The following SARS1 variants were observed in gnomAD, a reference collection of about 807,000 sequenced individuals.
The protein encoded by SARS1 is seryl-tRNA synthetase 1, also known as serine--tRNA ligase, cytoplasmic.
A neutral mutation model predicts 63.7 loss-of-function variants in SARS1; 25 were observed. The ratio of observed to expected loss-of-function variants is 0.39; its 90% CI spans 0.29 to 0.55. The LOEUF is 0.55. Ranked by LOEUF, SARS1 falls within the 20% of genes least tolerant of loss-of-function variation. The pLI is 0.62. For synonymous variants in SARS1, 231 were observed against 243.5 expected (o/e 0.95, Z 0.48); for missense variants, 417 against 649.7 (o/e 0.64, Z 3.89).
chr1:109,232,143 G>A (rs1655224322), intron 6 of SARS1, among the ~76,000 whole-genome samples: 1 of 152,118 alleles, frequency 6.6e-6, no homozygotes. Context: ...AATTACAGTG[G>A]TGGCACTGAT....
At chr1:109,226,736 ATATTTATT>A (rs67264041) in intron 2 of SARS1, among the ~76,000 whole-genome samples, 94 of 100,242 alleles carry the variant, frequency 9.4e-4, no homozygotes, top group Non-Finnish European at 1.4e-3. Flanking sequence ...ACATATATAT[ATATTTATT>A]TATTTATTTA....
rs1425578107 is a variant in SARS1 at position 109,214,219 on chromosome 1, A to G, written c.136+91A>G. On this transcript the variant is annotated intron_variant, in intron 1 of 10. Transcript: ENST00000234677. The surrounding 1 kb of genome is among the most constrained non-coding windows in gnomAD (Gnocchi z 4.6). ...CACCGCTCCTGAGGCCACAGCTTCC[A>G]CCCTTCGTCAGACCCCCTCCCAGGG... 6.9e-7 allele frequency: 1 copy of G among 1,449,464 alleles called. No individual in the cohort carries two copies. Among genetic ancestry groups the G allele is most frequent in the Non-Finnish European group, 9.3e-7 (1 of 1,071,950 alleles). 89.8% of individuals were successfully genotyped at this position (1,449,464 alleles called of 1,614,324 possible).
At chr1:109,225,133 ATGCACTT>A (rs1457136263) in intron 2 of SARS1, among the ~76,000 whole-genome samples, 1 of 152,158 alleles carries the variant, frequency 6.6e-6, no homozygotes, top group Admixed American at 6.6e-5. Flanking sequence ...AATTAATTAA[ATGCACTT>A]TACAATCTAG....
Position 109,230,950 on chromosome 1 carries a change from G to A in SARS1, c.520G>A (p.Val174Met). 3.8e-6 allele frequency: 6 copies of A among 1,586,632 alleles called. No individual in the cohort carries two copies. Among genetic ancestry groups the A allele is most frequent in the Non-Finnish European group, 5.1e-6 (6 of 1,166,794 alleles). ...GAAGAAGTACTCTCATGTGGACCTG[G>A]TGGTGATGGTAGATGGCTTTGAAGG... is the stretch of plus-strand genomic sequence containing the variant. ...VRKKYSHVDL[V>M]VMVDGFEGEK... Residue 174 changes from valine to methionine, a missense_variant, in exon 5 of 11, where the codon GTG becomes ATG. Transcript: ENST00000234677.
Position 109,237,058 on chromosome 1 carries a change from G to GT in SARS1, c.1258-184dup, listed in dbSNP as rs1339740632. Reference sequence around the variant, plus strand: ...TCGAAACATGAGGGATCTTTCTGCAGTTATCTAATAGGCAATAAATACCAA... The same window carrying GT: ...TCGAAACATGAGGGATCTTTCTGCAGTTTATCTAATAGGCAATAAATACCAA... On this transcript the variant is annotated intron_variant, in intron 9 of 10. Coordinates refer to ENST00000234677, the MANE Select transcript of SARS1 (RefSeq NM_006513.4). This position sits in a 1 kb window ranked among gnomAD's most constrained non-coding sequence, Gnocchi z 4.1. 2.5e-6 allele frequency: 3 copies of GT among 1,219,494 alleles called. No individual in the cohort carries two copies. The highest frequency in any genetic ancestry group is 3.4e-6 in the Non-Finnish European group (3 of 894,744). 75.5% of individuals were successfully genotyped at this position (1,219,494 alleles called of 1,614,324 possible).
At chr1:109,222,694 A>G (rs1654976457) in intron 1 of SARS1, among the ~76,000 whole-genome samples, 1 of 152,254 alleles carries the variant, frequency 6.6e-6, no homozygotes, top group Admixed American at 6.5e-5. Flanking sequence ...TCTTATTTCT[A>G]GTCATCAATT....
In SARS1 at chr1:109,214,515, A is replaced by C; in HGVS notation, c.136+387A>C. 9.9e-7 allele frequency: 1 copy of C among 1,014,292 alleles called. No individual in the cohort carries two copies. Among genetic ancestry groups the C allele is most frequent in the East Asian group, 1.0e-4 (1 of 10,030 alleles). The allele number at this position is 1,014,292 out of a possible 1,614,324, so 62.8% of individuals were successfully genotyped here. A position where few individuals can be genotyped will look rare whatever the true frequency, so the allele number is the denominator to read the frequency against. On this transcript the variant is annotated intron_variant, in intron 1 of 10. Coordinates refer to ENST00000234677, the MANE Select transcript of SARS1 (RefSeq NM_006513.4). This position sits in a 1 kb window ranked among gnomAD's most constrained non-coding sequence, Gnocchi z 4.6. The stretch of plus-strand genomic sequence containing the variant: ...CCCCAGTCTTTTTCTCATCTTCAGC[A>C]AGGCCAGAGTGGTTTTCCTTTGTTT...
At chr1:109,216,064 A>G (rs1024237091) in intron 1 of SARS1, 1 of 985,274 alleles carries the variant, frequency 1.0e-6, no homozygotes. Context: ...ACCCTTTCCA[A>G]TATTCTCTTT....
chr1:109,216,680 G>C (rs1221620438), intron 1 of SARS1: 1 of 797,276 alleles, frequency 1.3e-6, no homozygotes, highest in Non-Finnish European at 1.5e-6. Context: ...TGTCACCCAG[G>C]CATGATCACA....
chr1:109,213,970 G>T lies in SARS1; in HGVS notation c.-23G>T. The T allele has an allele frequency of 6.2e-7, 1 of 1,602,156 alleles. No homozygotes were observed. The highest frequency in any genetic ancestry group is 1.3e-5 in the African/African-American group (1 of 74,524). ...TGCGGCGCGATCCTTGCTTCCCTGA[G>T]CGTTGGCCCGGGAGGAAAGAAGATG... On this transcript the variant is annotated 5_prime_UTR_variant, in exon 1 of 11. Transcript: ENST00000234677.
At chr1:109,231,081 ATATTT>A (rs1557718476) in intron 5 of SARS1, 60 bp downstream of exon 5, 29 of 855,594 alleles carry the variant, frequency 3.4e-5, no homozygotes, top group African/African-American at 1.1e-4. Context: ...ATATATATAT[ATATTT>A]TTTTTTTTTT....
chr1:109,227,907 G>A (rs1289336241), intron 2 of SARS1, among the ~76,000 whole-genome samples: 2 of 130,904 alleles, frequency 1.5e-5, no homozygotes, highest in African/African-American at 2.8e-5. Flanking sequence ...GCGACAGAGT[G>A]AGACTCCGTC....
intron 1 of SARS1, chr1:109,215,819 C>A (rs1654772548): frequency 2.8e-6 from 1 of 360,198 alleles, no homozygotes; most frequent in Non-Finnish European, 3.9e-6. Flanking sequence ...GATTATCATG[C>A]CTCAGCCTCC....
intron 2 of SARS1, 73 bp downstream of exon 2, chr1:109,224,121 C>T: frequency 9.1e-7 from 1 of 1,096,274 alleles, no homozygotes. Flanking sequence ...AGCTAATGTT[C>T]ACAGAAGTTC....
intron 2 of SARS1, 51 bp from the exon 3 acceptor site, chr1:109,228,301 G>A (rs1655134848): frequency 1.5e-6 from 2 of 1,311,882 alleles, no homozygotes; most frequent in Middle Eastern, 1.8e-4. Flanking sequence ...ATAAAACAAT[G>A]CCAGAGATTT....
At chr1:109,228,579 T>C (rs774964146) in intron 3 of SARS1, 147 bp downstream of exon 3, 5 of 602,622 alleles carry the variant, frequency 8.3e-6, no homozygotes, top group Non-Finnish European at 1.5e-5. Context: ...CCATTCTTGT[T>C]ATATTCTATA....
intron 1 of SARS1, among the ~76,000 whole-genome samples, chr1:109,218,227 C>A (rs1311828925): frequency 7.1e-6 from 1 of 141,212 alleles, no homozygotes; most frequent in African/African-American, 2.7e-5. Context: ...ATTAGCCAGG[C>A]GTGGTGGCGG....
intron 1 of SARS1, among the ~76,000 whole-genome samples, chr1:109,217,586 C>T (rs537715891): frequency 6.6e-4 from 99 of 150,728 alleles, no homozygotes; most frequent in Middle Eastern, 3.5e-3. Flanking sequence ...TTTTAGACAG[C>T]GTCTTGTTCT....
intron 1 of SARS1, among the ~76,000 whole-genome samples, chr1:109,222,004 ATATATATTTTTTTTTTTTTT>A (rs1654955832): frequency 9.0e-5 from 1 of 11,114 alleles, no homozygotes; most frequent in Non-Finnish European, 1.4e-4. Flanking sequence ...ATATATATAT[ATATATATTTTTTTTTTTTTT>A]TTTTTTTTTT....
Sources: allele counts gnomAD v4.1 joint callset (sites outside exome capture counted in the v4.1 genomes callset), GRCh38; gene constraint gnomAD v4.1.1; non-coding constraint Gnocchi (gnomAD v3.1); transcripts MANE v1.5; gene names NCBI Gene and HGNC (gene_info 2026-07-23, HGNC 2026-07-21).